The following NEDD9 variants were observed in gnomAD, a reference collection of about 807,000 sequenced individuals.
NEDD9 encodes the protein enhancer of filamentation 1.
Under a neutral mutation model 76.6 loss-of-function variants are expected in NEDD9, and 26 were observed. The observed-to-expected ratio is 0.34, with a 90% CI of 0.25 to 0.47. The LOEUF (loss-of-function observed/expected upper bound fraction) is 0.47, where lower values mean the gene tolerates loss of function less well. NEDD9 is among the 20% of genes least tolerant of loss of function. The probability of loss-of-function intolerance (pLI) is 1.00; values close to 1 mark genes in which losing one functional copy is unlikely to be tolerated. For missense variants in NEDD9, 937 were observed against 1,058.5 expected (o/e 0.89, Z 1.59); for synonymous variants, 392 against 414.2 (o/e 0.95, Z 0.65).
chr6:11,258,591 G>A (rs1375863445), intron 3 of NEDD9: 1 of 152,022 alleles, frequency 6.6e-6, no homozygotes, highest in Non-Finnish European at 1.5e-5. Context: ...TGAACTACAG[G>A]TTGCAGGTTC....
chr6:11,233,355 G>A (rs527573550), upstream of NEDD9: 14 of 519,062 alleles, frequency 2.7e-5, no homozygotes, highest in African/African-American at 1.7e-4. Flanking sequence ...GGGCCTCAGA[G>A]TTGCGGGTCA....
intron 1 of NEDD9, chr6:11,352,431 C>G (rs1004050395): frequency 6.6e-6 from 1 of 152,214 alleles, no homozygotes; most frequent in Non-Finnish European, 1.5e-5. Flanking sequence ...GCCCATTCCC[C>G]TGAGAACATA....
chr6:11,345,709 A>G (rs1762352005), intron 1 of NEDD9, among the ~76,000 whole-genome samples: 1 of 152,156 alleles, frequency 6.6e-6, no homozygotes, highest in Non-Finnish European at 1.5e-5. Flanking sequence ...CCTCATCAAC[A>G]CTGGTAGAGG....
intron 2 of NEDD9, among the ~76,000 whole-genome samples, chr6:11,312,712 T>TATATATATATA (rs1439587093): frequency 1.4e-5 from 2 of 147,170 alleles, no homozygotes; most frequent in African/African-American, 5.0e-5. Context: ...ATATATATAT[T>TATATATATATA]TTTAAAGAGT....
At chr6:11,228,097 G>C (rs1267137542) in intron 1 of NEDD9, among the ~76,000 whole-genome samples, 1 of 150,990 alleles carries the variant, frequency 6.6e-6, no homozygotes, top group East Asian at 1.9e-4. Context: ...AGATAGGTGC[G>C]GGTGGGGGGC....
At chr6:11,215,410 C>T (rs1015615372) in intron 1 of NEDD9, among the ~76,000 whole-genome samples, 1 of 152,170 alleles carries the variant, frequency 6.6e-6, no homozygotes, top group Admixed American at 6.5e-5. Flanking sequence ...CGCTGGGTTT[C>T]ATCTAACAAT....
At chr6:11,225,420 C>T (rs112652399) in intron 1 of NEDD9, among the ~76,000 whole-genome samples, 2 of 152,292 alleles carry the variant, frequency 1.3e-5, no homozygotes, top group Admixed American at 6.5e-5. Context: ...ACTTAGACAC[C>T]GTGTAAGCAC....
At chr6:11,194,493 C>T (rs1758242497) in intron 2 of NEDD9, among the ~76,000 whole-genome samples, 1 of 152,206 alleles carries the variant, frequency 6.6e-6, no homozygotes, top group African/African-American at 2.4e-5. Context: ...ATGATTATAA[C>T]TGTAATTCCA....
At chr6:11,307,825 T>C (rs949920813) in intron 2 of NEDD9, among the ~76,000 whole-genome samples, 1 of 152,144 alleles carries the variant, frequency 6.6e-6, no homozygotes, top group African/African-American at 2.4e-5. Flanking sequence ...GCAACCCCTC[T>C]CTTTCCCATT....
intron 2 of NEDD9, among the ~76,000 whole-genome samples, chr6:11,313,443 G>T (rs1470357618): frequency 1.5e-5 from 2 of 137,300 alleles, no homozygotes; most frequent in Admixed American, 8.0e-5. Context: ...GTGGGTGGAT[G>T]AATGGAATGA....
chr6:11,274,794 A>ACAGTACT lies in NEDD9; in HGVS notation c.12+31197_12+31198insAGTACTG, dbSNP rs1274135475. Among the ~76,000 whole-genome samples the ACAGTACT allele has an allele frequency of 2.0e-5, 3 of 152,340 alleles. No homozygotes were observed. In the East Asian group the frequency reaches 5.8e-4, roughly 29 times the overall value. ...AATGTACACTAGTACAGTCCTTATG[A>ACAGTACT]AAAACAGTAGGGAAATTCCTCAAAA... On this transcript the variant is annotated intron_variant, in intron 3 of 3. Transcript: ENST00000397378.
At chr6:11,295,024 G>A (rs373856889) in intron 3 of NEDD9, among the ~76,000 whole-genome samples, 1 of 152,214 alleles carries the variant, frequency 6.6e-6, no homozygotes, top group Non-Finnish European at 1.5e-5. Context: ...CATGAAAGAC[G>A]TGCCTTTGCT....
chr6:11,311,946 T>C (rs1240838063), intron 2 of NEDD9, among the ~76,000 whole-genome samples: 1 of 152,214 alleles, frequency 6.6e-6, no homozygotes, highest in African/African-American at 2.4e-5. Context: ...TTTCACACCA[T>C]TGACCACGTT....
chr6:11,188,977 C>T (rs192177311), intron 5 of NEDD9, among the ~76,000 whole-genome samples: 21 of 149,086 alleles, frequency 1.4e-4, no homozygotes, highest in Admixed American at 1.0e-3. Context: ...GACAGAGTCT[C>T]GCTCTGTCGC....
At chr6:11,307,805 C>T (rs889513269) in intron 2 of NEDD9, among the ~76,000 whole-genome samples, 1 of 152,076 alleles carries the variant, frequency 6.6e-6, no homozygotes, top group Non-Finnish European at 1.5e-5. Context: ...TTCCAAGAGC[C>T]CTTTCCAGTG....
intron 2 of NEDD9, among the ~76,000 whole-genome samples, chr6:11,320,164 G>C (rs1323427534): frequency 1.3e-5 from 2 of 152,088 alleles, no homozygotes; most frequent in African/African-American, 4.8e-5. Context: ...TTCTCCCCCA[G>C]TCCACTGCCA....
At chr6:11,232,391 A>C in intron 1 of NEDD9, 113 bp downstream of exon 1, 3 of 1,355,436 alleles carry the variant, frequency 2.2e-6, no homozygotes, top group Non-Finnish European at 3.1e-6. Flanking sequence ...GACTCATCTT[A>C]GAACTCTCCG....
At chr6:11,196,078 G>A (rs921235945) in intron 2 of NEDD9, among the ~76,000 whole-genome samples, 1 of 152,186 alleles carries the variant, frequency 6.6e-6, no homozygotes, top group Admixed American at 6.5e-5. Context: ...GGCAAGGATC[G>A]CGGATCACGA....
intron 3 of NEDD9, among the ~76,000 whole-genome samples, chr6:11,272,851 T>C (rs1485537811): frequency 1.3e-5 from 2 of 152,100 alleles, no homozygotes; most frequent in Non-Finnish European, 2.9e-5. Context: ...AAACGGAGCG[T>C]TGTTTACCCA....
Sources: allele counts gnomAD v4.1 joint callset (sites outside exome capture counted in the v4.1 genomes callset), GRCh38; gene constraint gnomAD v4.1.1; transcripts MANE v1.5; gene names NCBI Gene and HGNC (gene_info 2026-07-23, HGNC 2026-07-21).